Variants in ELFN2 observed in about 807,000 individuals in gnomAD.
ELFN2 encodes protein phosphatase 1 regulatory subunit 29.
ELFN2 carries 17 observed loss-of-function variants against 45.5 expected under a neutral mutation model. That is an observed-to-expected ratio of 0.37 (90% CI 0.26 to 0.56). ELFN2 has a LOEUF of 0.56. Ranked by LOEUF, ELFN2 falls within the 20% of genes least tolerant of loss-of-function variation. The pLI is 0.77. For missense variants in ELFN2, 922 were observed against 1,183.2 expected (o/e 0.78, Z 3.24); for synonymous variants, 550 against 551.5 (o/e 1.00, Z 0.04).
At chr22:37,363,485 G>C (rs531375298), downstream of ELFN2, among the ~76,000 whole-genome samples, 17 of 152,166 alleles carry the variant, frequency 1.1e-4, no homozygotes, top group Non-Finnish European at 1.5e-4. Flanking sequence ...CAAGGACGGG[G>C]AGGACGGAAG....
At chr22:37,342,060 C>T (rs991811752) in intron 2 of ELFN2, among the ~76,000 whole-genome samples, 25 of 152,122 alleles carry the variant, frequency 1.6e-4, no homozygotes, top group Non-Finnish European at 3.2e-4. Context: ...GTCACCCCAA[C>T]CTGTCCCCTT....
chr22:37,374,181 T>C lies in ELFN2; in HGVS notation c.1354A>G (p.Ile452Val), dbSNP rs1182562033. 3.7e-6 allele frequency: 6 copies of C among 1,613,280 alleles called. No homozygotes were observed. The highest frequency in any genetic ancestry group is 1.6e-4 in the Middle Eastern group (1 of 6,062). ...CCCAGCTTCTGGGCGGCGTGCACAA[T>C]GGAGCCGGCATCCACATCAGCCCCG... ...RYGADVDAGS[I>V]VHAAQKLGEP... Residue 452 changes from isoleucine to valine, a missense_variant, in exon 3 of 3, where the codon ATT (isoleucine) becomes GTT (valine). Physicochemically the swap from Ile to Val is conservative, Grantham distance 29. Coordinates refer to ENST00000402918, the MANE Select transcript of ELFN2 (RefSeq NM_052906.5).
Position 37,377,470 on chromosome 22 carries a change from A to G in ELFN2, c.-462-1474T>C, listed in dbSNP as rs73884010. 9.5e-3 allele frequency among the ~76,000 whole-genome samples: 1,454 copies of G among 152,356 alleles called. 25 individuals are homozygous for G. Among genetic ancestry groups the G allele is most frequent in the African/African-American group, 0.034 (1,397 of 41,574 alleles). The stretch of plus-strand genomic sequence containing the variant: ...CCTCCTCCTCCTGGGAAAGTCCAGG[A>G]AAGAGAAGAGTGCTTAAAAAAAAAT... On this transcript the variant is annotated intron_variant, in intron 2 of 2. Transcript: ENST00000402918.
At chr22:37,408,955 G>A (rs1248003065) in intron 2 of ELFN2, among the ~76,000 whole-genome samples, 1 of 152,314 alleles carries the variant, frequency 6.6e-6, no homozygotes, top group East Asian at 1.9e-4. Context: ...TGACACTTGG[G>A]TTCCACAGAA....
chr22:37,403,782 G>A (rs1241132005), intron 2 of ELFN2, among the ~76,000 whole-genome samples: 2 of 152,244 alleles, frequency 1.3e-5, no homozygotes, highest in South Asian at 2.1e-4. Context: ...GGTGCCCGCC[G>A]TGTATGCACA....
Position 37,374,237 on chromosome 22 carries a change from T to C in ELFN2, c.1298A>G (p.Asn433Ser), listed in dbSNP as rs996593605. 14 of 1,613,854 alleles carry C rather than the reference T, an allele frequency of 8.7e-6. No homozygotes were observed. Among genetic ancestry groups the C allele is most frequent in the Middle Eastern group, 1.6e-4 (1 of 6,084 alleles). ...RMQEEKQKSVNVKKTILEMRY... is the reference protein window; with the variant it reads ...RMQEEKQKSVSVKKTILEMRY... ...CATCTCCAGGATGGTCTTCTTGACG[T>C]TGACAGACTTCTGCTTCTCCTCCTG... Residue 433 changes from asparagine (N) to serine (S), a missense_variant, in exon 3 of 3, where the codon AAC becomes AGC. This residue lies in a region of ELFN2 where 564 missense variants were observed against 642.8 expected (regional missense o/e 0.88). Coordinates refer to ENST00000402918, the MANE Select transcript of ELFN2 (RefSeq NM_052906.5).
rs1271191020 is a variant in ELFN2 at position 37,374,667 on chromosome 22, T to C, written c.868A>G (p.Thr290Ala). The C allele has an allele frequency of 1.9e-6, 3 of 1,612,122 alleles. No homozygotes were observed. The highest frequency in any genetic ancestry group is 2.5e-6 in the Non-Finnish European group (3 of 1,178,400). ...GCTGGCCCTGCCGACGCATCCGTGG[T>C]GGACGAGGCCGGCGGCTCCACCGAA... is the stretch of plus-strand genomic sequence containing the variant. The part of the protein sequence containing the change: ...ILSVEPPASS[T>A]TDASAGPAIK... Residue 290 changes from threonine to alanine, a missense_variant, in exon 3 of 3, where the codon ACC becomes GCC. Physicochemically the swap from Thr to Ala is moderately conservative, Grantham distance 58 (BLOSUM62 0). Coordinates refer to ENST00000402918, the MANE Select transcript of ELFN2 (RefSeq NM_052906.5).
At chr22:37,420,253 C>T (rs1932799531) in intron 1 of ELFN2, 1 of 152,212 alleles carries the variant, frequency 6.6e-6, no homozygotes, top group Admixed American at 6.5e-5. Context: ...TCCCGCCCGC[C>T]CCCTCCTCCG....
At chr22:37,366,368 T>TCCACACTC (rs1931207128), downstream of ELFN2, among the ~76,000 whole-genome samples, 1 of 152,072 alleles carries the variant, frequency 6.6e-6, no homozygotes, top group Non-Finnish European at 1.5e-5. Context: ...GGAGGACACT[T>TCCACACTC]CCACACTCCC....
At chr22:37,402,572 G>T (rs907005329) in intron 2 of ELFN2, among the ~76,000 whole-genome samples, 1 of 152,186 alleles carries the variant, frequency 6.6e-6, no homozygotes, top group East Asian at 1.9e-4. Flanking sequence ...CATGAGGGGG[G>T]CAGCAACTTG....
At chr22:37,350,918 T>C (rs59209480) in intron 1 of ELFN2, among the ~76,000 whole-genome samples, 13,770 of 150,262 alleles carry the variant, frequency 0.092, 2,052 homozygotes, top group African/African-American at 0.3. Context: ...TTCCATCTCC[T>C]TCCCCCGCCT....
chr22:37,381,666 C>A (rs182304880), intron 2 of ELFN2, among the ~76,000 whole-genome samples: 101 of 152,162 alleles, frequency 6.6e-4, no homozygotes, highest in Admixed American at 2.3e-3. Context: ...CCTGCCTTGC[C>A]CCACCCCCAG....
At chr22:37,419,678 ACATGCCCCAAG>A (rs1419165924) in intron 1 of ELFN2, among the ~76,000 whole-genome samples, 1 of 152,084 alleles carries the variant, frequency 6.6e-6, no homozygotes, top group African/African-American at 2.4e-5. Flanking sequence ...GCCAAAACAT[ACATGCCCCAAG>A]CATGCCCACA....
At chr22:37,395,236 G>A (rs571669770) in intron 2 of ELFN2, among the ~76,000 whole-genome samples, 11 of 152,298 alleles carry the variant, frequency 7.2e-5, no homozygotes, top group African/African-American at 2.6e-4. Flanking sequence ...AAGTGGTGAG[G>A]CTGGGATTCA....
At chr22:37,360,646 G>A (rs1931062915) in intron 1 of ELFN2, among the ~76,000 whole-genome samples, 1 of 152,232 alleles carries the variant, frequency 6.6e-6, no homozygotes, top group African/African-American at 2.4e-5. Context: ...GCTGTCAACA[G>A]GGAGTCAGTG....
At chr22:37,401,048 C>T (rs1034522143) in intron 2 of ELFN2, among the ~76,000 whole-genome samples, 5 of 152,244 alleles carry the variant, frequency 3.3e-5, no homozygotes, top group Admixed American at 1.3e-4. Context: ...AGGAAGCCCA[C>T]GGCTCCAAGG....
Position 37,368,773 on chromosome 22 carries a change from AG to A in ELFN2, c.*4298del, listed in dbSNP as rs1931273114. ...GCCCCGCCCATCCACACTCATGGAA[AG>A]GGGGCTCTGCTGGGCCAGGAATGGG... On this transcript the variant is annotated 3_prime_UTR_variant, in exon 3 of 3. Coordinates refer to ENST00000402918, the MANE Select transcript of ELFN2 (RefSeq NM_052906.5). The A allele has an allele frequency of 6.6e-6, 1 of 152,416 alleles. No homozygotes were observed. The highest frequency in any genetic ancestry group is 2.4e-5 in the African/African-American group (1 of 41,468). 9.4% of individuals were successfully genotyped at this position (152,416 alleles called of 1,614,324 possible). A position where few individuals can be genotyped will look rare whatever the true frequency, so the allele number is the denominator to read the frequency against.
intron 1 of ELFN2, among the ~76,000 whole-genome samples, chr22:37,361,668 T>C (rs1192568100): frequency 6.6e-6 from 1 of 151,978 alleles, no homozygotes; most frequent in Non-Finnish European, 1.5e-5. Context: ...TCCCTAGTAT[T>C]TCCTAGGCCT....
downstream of ELFN2, among the ~76,000 whole-genome samples, chr22:37,365,038 C>T (rs996412952): frequency 6.6e-6 from 1 of 152,192 alleles, no homozygotes; most frequent in Non-Finnish European, 1.5e-5. Context: ...ACAGGCTGCC[C>T]AGGCTGAGCC....
Sources: allele counts gnomAD v4.1 joint callset (sites outside exome capture counted in the v4.1 genomes callset), GRCh38; gene constraint gnomAD v4.1.1; regional missense constraint gnomAD v4.1.1; transcripts MANE v1.5; gene names NCBI Gene and HGNC (gene_info 2026-07-23, HGNC 2026-07-21).